The following TSPAN18 variants were observed in gnomAD, a reference collection of about 807,000 sequenced individuals.
TSPAN18 encodes the protein tetraspanin 18.
In TSPAN18, 14 loss-of-function variants were observed where a neutral mutation model predicts 27.3. That is an observed-to-expected ratio of 0.51 (90% CI 0.34 to 0.80). TSPAN18 has a LOEUF of 0.80. TSPAN18 is among the 30% of genes least tolerant of loss of function. The pLI is 0.01. For synonymous variants in TSPAN18, 143 were observed against 136.5 expected (o/e 1.05, Z -0.33); for missense variants, 268 against 323.9 (o/e 0.83, Z 1.32).
At chr11:44,917,095 G>T (rs903074762) in intron 5 of TSPAN18, among the ~76,000 whole-genome samples, 5 of 152,346 alleles carry the variant, frequency 3.3e-5, no homozygotes, top group Middle Eastern at 3.4e-3. Flanking sequence ...CAAGCAGGCA[G>T]CGCGCTGAGT....
intron 2 of TSPAN18, among the ~76,000 whole-genome samples, chr11:44,796,365 G>T (rs1039391826): frequency 2.6e-5 from 4 of 152,140 alleles, no homozygotes; most frequent in African/African-American, 9.7e-5. Flanking sequence ...GGATGGCAGG[G>T]TCCTCTGCCC....
intron 2 of TSPAN18, among the ~76,000 whole-genome samples, chr11:44,835,411 G>C (rs1490101038): frequency 1.3e-5 from 2 of 152,190 alleles, no homozygotes. Flanking sequence ...GTCATACATA[G>C]TTCTTTGGAA....
chr11:44,795,880 G>A (rs1370080525), intron 2 of TSPAN18, among the ~76,000 whole-genome samples: 1 of 152,084 alleles, frequency 6.6e-6, no homozygotes, highest in Admixed American at 6.6e-5. Flanking sequence ...TCTGGGACTA[G>A]CCAGGGCTCC....
In TSPAN18 at chr11:44,931,132, C is replaced by T. The variant is rs1860546178; in HGVS notation, c.*1954C>T. On this transcript the variant is annotated 3_prime_UTR_variant, in exon 10 of 10. Transcript: ENST00000520358. ...CTGAGCTCAGTGTTACCAAATTCGC[C>T]CTTTAACAGCTTGCTCTGGCAACCC... The T allele has an allele frequency of 2.8e-6, 1 of 355,876 alleles. No individual in the cohort carries two copies. The allele number at this position is 355,876 out of a possible 1,614,324, so 22.0% of individuals were successfully genotyped here.
chr11:44,900,870 T>G (rs987746399), intron 3 of TSPAN18, among the ~76,000 whole-genome samples: 1 of 151,898 alleles, frequency 6.6e-6, no homozygotes, highest in Non-Finnish European at 1.5e-5. Context: ...ATTTTTGTTA[T>G]TTTTAGTAGA....
intron 1 of TSPAN18, among the ~76,000 whole-genome samples, chr11:44,738,395 G>A (rs755714062): frequency 1.3e-5 from 2 of 152,156 alleles, no homozygotes; most frequent in Non-Finnish European, 2.9e-5. Flanking sequence ...GCTTTATCAC[G>A]TACCTGCTCT....
intron 1 of TSPAN18, among the ~76,000 whole-genome samples, chr11:44,735,500 G>T (rs1854770194): frequency 6.6e-6 from 1 of 152,116 alleles, no homozygotes; most frequent in African/African-American, 2.4e-5. Flanking sequence ...AACCCTCTGT[G>T]TTCTTTGGCT....
rs774041292 is a variant in TSPAN18, at chr11:44,929,116, T to C, written c.700-15T>C. ...GCCTGATAAGCCAGTTCCTGCTCTT[T>C]TTCTTTTTTTGCAGCTTTTCGCCAT... On this transcript the variant is annotated splice_polypyrimidine_tract_variant and intron_variant, in intron 9 of 9. Coordinates refer to ENST00000520358, the MANE Select transcript of TSPAN18 (RefSeq NM_130783.5). 1 of 1,613,214 alleles carries C rather than the reference T, an allele frequency of 6.2e-7. No individual in the cohort carries two copies. The highest frequency in any genetic ancestry group is 8.5e-7 in the Non-Finnish European group (1 of 1,180,018).
At chr11:44,777,957 T>C (rs1855851802) in intron 2 of TSPAN18, among the ~76,000 whole-genome samples, 1 of 152,032 alleles carries the variant, frequency 6.6e-6, no homozygotes, top group African/African-American at 2.4e-5. Flanking sequence ...GGAGAGAAGG[T>C]GCCTCTTAAA....
At chr11:44,877,622 GA>G in intron 3 of TSPAN18, among the ~76,000 whole-genome samples, 1 of 152,176 alleles carries the variant, frequency 6.6e-6, no homozygotes, top group East Asian at 1.9e-4. Flanking sequence ...AAAGGGAGGG[GA>G]CGGGGAGAAA....
chr11:44,879,152 G>C (rs1338566409), intron 3 of TSPAN18, among the ~76,000 whole-genome samples: 3 of 152,206 alleles, frequency 2.0e-5, no homozygotes, highest in Admixed American at 2.0e-4. Flanking sequence ...TTGCTCCCCA[G>C]AAATGATGTA....
chr11:44,845,695 T>C (rs1324048736), intron 2 of TSPAN18, among the ~76,000 whole-genome samples: 1 of 152,222 alleles, frequency 6.6e-6, no homozygotes, highest in African/African-American at 2.4e-5. Flanking sequence ...CTGGGACTTA[T>C]CCAAGGCTAC....
At chr11:44,806,041 C>CTTT (rs34132755) in intron 2 of TSPAN18, among the ~76,000 whole-genome samples, 7 of 134,526 alleles carry the variant, frequency 5.2e-5, no homozygotes, top group Non-Finnish European at 9.4e-5. Flanking sequence ...CTATTTTTTC[C>CTTT]TTTTTTTTTT....
chr11:44,776,290 C>T (rs1466570094), intron 2 of TSPAN18, among the ~76,000 whole-genome samples: 1 of 152,206 alleles, frequency 6.6e-6, no homozygotes. Flanking sequence ...TGGCCCGAGT[C>T]ACATCTGGCT....
intron 2 of TSPAN18, among the ~76,000 whole-genome samples, chr11:44,842,294 C>T (rs760994399): frequency 6.6e-6 from 1 of 152,216 alleles, no homozygotes; most frequent in Non-Finnish European, 1.5e-5. Context: ...CAAAGAAACA[C>T]ACATGGACCA....
intron 4 of TSPAN18, among the ~76,000 whole-genome samples, chr11:44,907,438 T>A (rs1473925081): frequency 6.6e-6 from 1 of 152,236 alleles, no homozygotes; most frequent in Non-Finnish European, 1.5e-5. Flanking sequence ...TCTCTCAGTG[T>A]CTATCTTTCC....
chr11:44,831,627 C>T (rs1313910478), intron 2 of TSPAN18, among the ~76,000 whole-genome samples: 1 of 152,228 alleles, frequency 6.6e-6, no homozygotes, highest in East Asian at 1.9e-4. Context: ...TACTCGCTCA[C>T]TCACTCATTC....
chr11:44,875,427 G>A (rs1858303345), intron 3 of TSPAN18, among the ~76,000 whole-genome samples: 1 of 152,190 alleles, frequency 6.6e-6, no homozygotes, highest in Admixed American at 6.5e-5. Flanking sequence ...GGAGGCTAGG[G>A]GCTGCCGAGG....
intron 1 of TSPAN18, among the ~76,000 whole-genome samples, chr11:44,746,821 G>C (rs965027339): frequency 6.6e-6 from 1 of 152,228 alleles, no homozygotes; most frequent in Non-Finnish European, 1.5e-5. Flanking sequence ...TGCCTGGGCA[G>C]CAGAGATGCT....
Sources: gnomAD v4.1 joint callset for allele counts (sites outside exome capture counted in the v4.1 genomes callset) on GRCh38, gnomAD v4.1.1 for gene constraint, MANE v1.5 for transcripts, NCBI Gene and HGNC (gene_info 2026-07-23, HGNC 2026-07-21) for gene names.